SLC26A3: variants seen among roughly 807,000 people sequenced by gnomAD.
SLC26A3 encodes the protein solute carrier family 26 member 3, also known as chloride anion exchanger.
A neutral mutation model predicts 85.6 loss-of-function variants in SLC26A3; 64 were observed. The ratio of observed to expected loss-of-function variants is 0.75; its 90% CI spans 0.61 to 0.92. The LOEUF (loss-of-function observed/expected upper bound fraction) is 0.92, where lower values mean the gene tolerates loss of function less well. SLC26A3 is among the 40% of genes least tolerant of loss of function. The probability of loss-of-function intolerance (pLI) is 0.00; values close to 1 mark genes in which losing one functional copy is unlikely to be tolerated. For missense variants in SLC26A3, 922 were observed against 927.3 expected, an observed-to-expected ratio of 0.99 and a Z score of 0.07; for synonymous variants, 349 against 336.0, an observed-to-expected ratio of 1.04 and a Z score of -0.42.
chr7:107,800,234 C>T (rs925063718), intron 1 of SLC26A3, among the ~76,000 whole-genome samples: 1 of 152,170 alleles, frequency 6.6e-6, no homozygotes, highest in South Asian at 2.1e-4. Context: ...GTGGCTCATG[C>T]CTGTAATTTT....
At position 107,778,278 on chromosome 7, in the gene SLC26A3, T is replaced by C; in HGVS notation, c.1411A>G (p.Ile471Val). ...LWRKDKYDCL[I>V]WIMTFIFTIV... ...GTGAAGATGAAGGTCATGATCCAAA[T>C]TAACTGTGAAAAGAAAGCAACACAT... Residue 471 changes from isoleucine (I) to valine (V), a missense_variant, in exon 13 of 21, where the codon ATT becomes GTT. Transcript: ENST00000340010. 1 of 1,605,940 alleles carries C rather than the reference T, an allele frequency of 6.2e-7. No homozygotes were observed. The highest frequency in any genetic ancestry group is 8.5e-7 in the Non-Finnish European group (1 of 1,174,002).
In SLC26A3 at chr7:107,787,032, T is replaced by C. The variant is rs1210926351; in HGVS notation, c.889-123A>G. The C allele has an allele frequency of 8.1e-6, 7 of 866,534 alleles. No individual in the cohort carries two copies. The African/African-American group carries it at 1.2e-4, about 14-fold the overall frequency. 53.7% of individuals were successfully genotyped at this position (866,534 alleles called of 1,614,324 possible). A position where few individuals can be genotyped will look rare whatever the true frequency, so the allele number is the denominator to read the frequency against. On this transcript the variant is annotated intron_variant, in intron 7 of 20. Transcript: ENST00000340010. ...TTAAGTAAGAACTCCAGCCCAGGCTTTGTTACTTTTTAAGAAATTCGGAGG... is the reference window on the plus strand; with the variant it reads ...TTAAGTAAGAACTCCAGCCCAGGCTCTGTTACTTTTTAAGAAATTCGGAGG...
intron 17 of SLC26A3, 107 bp from the exon 18 acceptor site, chr7:107,772,215 G>A (rs1266290912): frequency 9.8e-6 from 7 of 712,902 alleles, no homozygotes; most frequent in Non-Finnish European, 1.5e-5. Flanking sequence ...CCTTTTAGAA[G>A]CTTTAACATT....
At chr7:107,770,073 CTCTTTTTTCTTTCTT>C (rs1232592022) in intron 18 of SLC26A3, among the ~76,000 whole-genome samples, 10 of 100,918 alleles carry the variant, frequency 9.9e-5, no homozygotes, top group African/African-American at 3.0e-4. Flanking sequence ...TTTTCTTTCT[CTCTTTTTTCTTTCTT>C]TCTTTCTTAT....
At position 107,765,814 on chromosome 7, in the gene SLC26A3, A is replaced by G; in HGVS notation, c.*41T>C. On this transcript the variant is annotated 3_prime_UTR_variant, in exon 21 of 21. Coordinates refer to ENST00000340010, the MANE Select transcript of SLC26A3 (RefSeq NM_000111.3). Reference sequence around the variant, plus strand: ...ACTTTCTGGGTATAAAGTTGTTTTTATGTCATAGTCAGATGAAGATCCTTC... The same window carrying G: ...ACTTTCTGGGTATAAAGTTGTTTTTGTGTCATAGTCAGATGAAGATCCTTC... 6.6e-7 allele frequency: 1 copy of G among 1,514,712 alleles called. No individual in the cohort carries two copies. The highest frequency in any genetic ancestry group is 9.2e-7 in the Non-Finnish European group (1 of 1,090,328). 93.8% of individuals were successfully genotyped at this position (1,514,712 alleles called of 1,614,324 possible).
At position 107,772,089 on chromosome 7, in the gene SLC26A3, C is replaced by CTGA. The variant is rs121913031; in HGVS notation, c.2024_2026dup (p.Ile675dup). On this transcript the variant is annotated inframe_insertion, in exon 18 of 21. Transcript: ENST00000340010. Reference sequence around the variant, plus strand: ...AACGATATACACATCTACCTTGATCCTGATAAATTCTTGCAAAATCTGTTA... The same window carrying CTGA: ...AACGATATACACATCTACCTTGATCCTGATGATAAATTCTTGCAAAATCTGTTA... The CTGA allele has an allele frequency of 4.3e-5, 69 of 1,611,250 alleles. No individual in the cohort carries two copies. The highest frequency in any genetic ancestry group is 5.8e-5 in the Non-Finnish European group (68 of 1,177,632).
chr7:107,785,701 C>T (rs1794281924), intron 8 of SLC26A3, among the ~76,000 whole-genome samples: 1 of 151,940 alleles, frequency 6.6e-6, no homozygotes, highest in Admixed American at 6.6e-5. Flanking sequence ...AAAAGTGATG[C>T]TTGAGATTCG....
chr7:107,768,260 T>C (rs1793949175), intron 18 of SLC26A3, among the ~76,000 whole-genome samples: 1 of 152,210 alleles, frequency 6.6e-6, no homozygotes, highest in Non-Finnish European at 1.5e-5. Flanking sequence ...CTTATTAAAG[T>C]TTGGGATTCT....
intron 18 of SLC26A3, among the ~76,000 whole-genome samples, chr7:107,768,700 A>T (rs180781600): frequency 4.6e-5 from 7 of 152,320 alleles, no homozygotes; most frequent in Admixed American, 4.6e-4. Flanking sequence ...TGTTGAATAT[A>T]TGAGAGAGAT....
At chr7:107,792,484 C>A (rs1467001179) in intron 3 of SLC26A3, among the ~76,000 whole-genome samples, 1 of 151,872 alleles carries the variant, frequency 6.6e-6, no homozygotes, top group Admixed American at 6.6e-5. Flanking sequence ...ACCTAGATCC[C>A]TTGCGTGCAC....
chr7:107,785,490 G>A (rs1321888448), intron 8 of SLC26A3, among the ~76,000 whole-genome samples: 1 of 152,198 alleles, frequency 6.6e-6, no homozygotes, highest in Non-Finnish European at 1.5e-5. Context: ...GTAACTCAGT[G>A]ATCTTAAGTT....
chr7:107,771,117 T>C (rs894410810), intron 18 of SLC26A3, among the ~76,000 whole-genome samples: 1 of 143,290 alleles, frequency 7.0e-6, no homozygotes, highest in African/African-American at 3.0e-5. Context: ...AGAGGAAATA[T>C]TTATAGGACC....
Position 107,791,913 on chromosome 7 carries a change from A to G in SLC26A3, c.299T>C (p.Ile100Thr), listed in dbSNP as rs1794409986. The G allele has an allele frequency of 6.2e-7, 1 of 1,612,998 alleles. No homozygotes were observed. ...TGCATACAACCCATAGACTGGGGGA[A>G]TGTCGACCAGCAGAGCAAATGCTAA... ...QGLAFALLVD[I>T]PPVYGLYASF... Residue 100 changes from isoleucine (I) to threonine (T), a missense_variant, in exon 4 of 21, where the codon ATT becomes ACT. Ile to Thr is a moderately conservative substitution (Grantham distance 89, BLOSUM62 -1). Transcript: ENST00000340010.
chr7:107,776,925 T>TTACA (rs1353341051), intron 13 of SLC26A3, among the ~76,000 whole-genome samples: 1 of 152,238 alleles, frequency 6.6e-6, no homozygotes, highest in Non-Finnish European at 1.5e-5. Flanking sequence ...ATTTGTCATG[T>TTACA]TACAGTTTAC....
Position 107,800,630 on chromosome 7 carries a change from G to A in SLC26A3, c.-89+2481C>T, listed in dbSNP as rs146716678. ...AATCTTAACCATTTTTCCCTCTTTT[G>A]TTAGGTCCTATGACATAGTAAGTAT... On this transcript the variant is annotated intron_variant, in intron 1 of 20. Coordinates refer to ENST00000340010, the MANE Select transcript of SLC26A3 (RefSeq NM_000111.3). Among the ~76,000 whole-genome samples, 462 of 152,292 alleles carry A rather than the reference G, an allele frequency of 3.0e-3. 6 individuals carry two copies. Among genetic ancestry groups the A allele is most frequent in the African/African-American group, 0.011 (440 of 41,556 alleles).
chr7:107,775,468 T>C (rs1794096006), intron 15 of SLC26A3, among the ~76,000 whole-genome samples: 1 of 152,154 alleles, frequency 6.6e-6, no homozygotes, highest in Non-Finnish European at 1.5e-5. Flanking sequence ...CTGAAGCCTC[T>C]AATCCTAGCA....
Position 107,773,787 on chromosome 7 carries a change from G to A in SLC26A3, c.2007+133C>T, listed in dbSNP as rs957529893. 32 of 746,558 alleles carry A rather than the reference G, an allele frequency of 4.3e-5. No homozygotes were observed. In the Admixed American group the frequency reaches 5.4e-4, roughly 13 times the overall value. The allele number at this position is 746,558 out of a possible 1,614,324, so 46.2% of individuals were successfully genotyped here. On this transcript the variant is annotated intron_variant, in intron 17 of 20. Coordinates refer to ENST00000340010, the MANE Select transcript of SLC26A3 (RefSeq NM_000111.3). ...GCTGGTCTCGAAGTCCTGACCTCAG[G>A]TGATCCACCCACCTCGGCCTCCCAA... is the stretch of plus-strand genomic sequence containing the variant.
intron 11 of SLC26A3, among the ~76,000 whole-genome samples, chr7:107,782,350 A>G (rs997035630): frequency 1.3e-5 from 2 of 152,162 alleles, no homozygotes; most frequent in African/African-American, 2.4e-5. Flanking sequence ...CCACAATCCA[A>G]CAGTGTTGGT....
At chr7:107,790,002 A>T (rs897372728) in intron 5 of SLC26A3, among the ~76,000 whole-genome samples, 7 of 152,222 alleles carry the variant, frequency 4.6e-5, no homozygotes, top group African/African-American at 1.7e-4. Context: ...TGGAAGACTC[A>T]TAGGCCTTTT....
Sources: gnomAD v4.1 joint callset for allele counts (sites outside exome capture counted in the v4.1 genomes callset) on GRCh38, gnomAD v4.1.1 for gene constraint, MANE v1.5 for transcripts, NCBI Gene and HGNC (gene_info 2026-07-23, HGNC 2026-07-21) for gene names.